Variants in NEDD4L observed in about 807,000 individuals in gnomAD.
The protein encoded by NEDD4L is NEDD4 like E3 ubiquitin protein ligase.
In NEDD4L, 54 loss-of-function variants were observed where a neutral mutation model predicts 148.9. The observed-to-expected ratio is 0.36, with a 90% CI of 0.29 to 0.45. NEDD4L has a LOEUF of 0.45. NEDD4L is among the 20% of genes least tolerant of loss of function. NEDD4L has a pLI of 1.00. For missense variants in NEDD4L, 856 were observed against 1,233.8 expected (o/e 0.69, Z 4.59); for synonymous variants, 433 against 440.7 (o/e 0.98, Z 0.22).
intron 1 of NEDD4L, among the ~76,000 whole-genome samples, chr18:58,109,757 A>G (rs1319391852): frequency 6.6e-6 from 1 of 151,692 alleles, no homozygotes; most frequent in African/African-American, 2.4e-5. Context: ...TTTAGTAGAG[A>G]CGGGGTTTCG....
At chr18:58,163,754 G>T (rs920214417) in intron 1 of NEDD4L, among the ~76,000 whole-genome samples, 1 of 152,156 alleles carries the variant, frequency 6.6e-6, no homozygotes, top group Non-Finnish European at 1.5e-5. Flanking sequence ...TTGGATGGAC[G>T]GTTGGGTGGA....
chr18:58,127,009 C>T (rs910659146), intron 1 of NEDD4L, among the ~76,000 whole-genome samples: 3 of 152,204 alleles, frequency 2.0e-5, no homozygotes, highest in South Asian at 2.1e-4. Context: ...GCATTCCTGT[C>T]GGGATAGGTG....
intron 1 of NEDD4L, among the ~76,000 whole-genome samples, chr18:58,049,112 C>T (rs1029385255): frequency 6.6e-6 from 1 of 152,208 alleles, no homozygotes; most frequent in African/African-American, 2.4e-5. Flanking sequence ...TGATGAATTA[C>T]AGTGACTAGA....
chr18:58,401,459 G>A lies in NEDD4L; in HGVS notation c.*5190G>A, dbSNP rs192375101. Reference sequence around the variant, plus strand: ...TTTCCTGACAGCAAAAGACTAATGTGACAAAATGAAGTCATTGTAAAGAAG... The same window carrying A: ...TTTCCTGACAGCAAAAGACTAATGTAACAAAATGAAGTCATTGTAAAGAAG... On this transcript the variant is annotated 3_prime_UTR_variant, in exon 31 of 31. Coordinates refer to ENST00000400345, the MANE Select transcript of NEDD4L (RefSeq NM_001144967.3). 11 of 152,242 alleles carry A rather than the reference G, an allele frequency of 7.2e-5. No homozygotes were observed. In the East Asian group the frequency reaches 1.7e-3, roughly 24 times the overall value. 9.4% of individuals were successfully genotyped at this position (152,242 alleles called of 1,614,324 possible). A position where few individuals can be genotyped will look rare whatever the true frequency, so the allele number is the denominator to read the frequency against.
intron 1 of NEDD4L, among the ~76,000 whole-genome samples, chr18:58,076,961 C>G (rs1377412061): frequency 6.7e-6 from 1 of 148,750 alleles, no homozygotes; most frequent in African/African-American, 2.5e-5. Context: ...AGCAATTCTT[C>G]TGCCTCAGCC....
chr18:58,158,761 A>C (rs1331526903), intron 1 of NEDD4L, among the ~76,000 whole-genome samples: 6 of 152,130 alleles, frequency 3.9e-5, no homozygotes, highest in Non-Finnish European at 2.9e-5. Context: ...TGTCGGTGTC[A>C]TCTGGGTTTG....
intron 2 of NEDD4L, chr18:58,193,805 TAA>T (rs1387216942): frequency 1.3e-5 from 2 of 152,276 alleles, no homozygotes; most frequent in Non-Finnish European, 2.9e-5. Flanking sequence ...CCTGAACAGC[TAA>T]GTCTTGCTCA....
At chr18:58,160,644 C>T (rs1046186757) in intron 1 of NEDD4L, among the ~76,000 whole-genome samples, 11 of 152,148 alleles carry the variant, frequency 7.2e-5, no homozygotes, top group Non-Finnish European at 8.8e-5. Context: ...TAATAAAATG[C>T]TTCAGAAAGT....
intron 2 of NEDD4L, among the ~76,000 whole-genome samples, chr18:58,178,758 G>A (rs991331130): frequency 3.9e-5 from 6 of 152,208 alleles, no homozygotes; most frequent in African/African-American, 1.4e-4. Context: ...TACACTTCAA[G>A]GGTTGTTCGC....
In NEDD4L at chr18:58,324,984, T is replaced by A; in HGVS notation, c.514-12T>A. The A allele has an allele frequency of 1.9e-6, 3 of 1,610,656 alleles. No homozygotes were observed. The highest frequency in any genetic ancestry group is 2.5e-6 in the Non-Finnish European group (3 of 1,177,890). On this transcript the variant is annotated splice_polypyrimidine_tract_variant and intron_variant, in intron 8 of 30. Coordinates refer to ENST00000400345, the MANE Select transcript of NEDD4L (RefSeq NM_001144967.3). ...CCAACCTCATAATCGTCCCTTTAAC[T>A]TTATTCCGCAGCATGGATGGGAAGT...
intron 1 of NEDD4L, among the ~76,000 whole-genome samples, chr18:58,066,410 T>TTTTTTA (rs2082599368): frequency 7.1e-6 from 1 of 140,072 alleles, no homozygotes; most frequent in Non-Finnish European, 1.5e-5. Context: ...TTTTTTTTTT[T>TTTTTTA]AACGGAGTCT....
At chr18:58,044,836 A>C (rs2081499652) in intron 1 of NEDD4L, 128 bp downstream of exon 1, 1 of 1,150,106 alleles carries the variant, frequency 8.7e-7, no homozygotes, top group African/African-American at 1.6e-5. Context: ...CCAAAGCGGG[A>C]GCGCCCCGGA....
intron 5 of NEDD4L, among the ~76,000 whole-genome samples, chr18:58,254,755 G>A (rs760374147): frequency 4.6e-5 from 7 of 152,128 alleles, no homozygotes; most frequent in Non-Finnish European, 1.0e-4. Flanking sequence ...CTACACACAC[G>A]TATACACCTT....
Position 58,387,526 on chromosome 18 carries a change from A to G in NEDD4L, c.2547+28A>G, listed in dbSNP as rs888252518. The G allele has an allele frequency of 3.3e-6, 5 of 1,504,028 alleles. No individual in the cohort carries two copies. The East Asian group carries it at 9.5e-5, about 29-fold the overall frequency. 93.2% of individuals were successfully genotyped at this position (1,504,028 alleles called of 1,614,324 possible). A position where few individuals can be genotyped will look rare whatever the true frequency, so the allele number is the denominator to read the frequency against. ...TTGTATTATAAACATTATTTTATGT[A>G]AAGTGGATTTTTTAAAGTATCTCTC... On this transcript the variant is annotated intron_variant, in intron 27 of 30. Transcript: ENST00000400345.
chr18:58,117,730 G>A (rs749053022), intron 1 of NEDD4L, among the ~76,000 whole-genome samples: 2 of 152,154 alleles, frequency 1.3e-5, no homozygotes, highest in African/African-American at 4.8e-5. Flanking sequence ...GGCCTCTCTG[G>A]AGTCTCTCTT....
rs74400809 is a variant in NEDD4L, at chr18:58,060,401, G to A, written c.48+15693G>A. Among the ~76,000 whole-genome samples the A allele has an allele frequency of 4.6e-3, 700 of 152,188 alleles. 8 individuals carry two copies. The highest frequency in any genetic ancestry group is 0.016 in the African/African-American group (673 of 41,534). ...GTCGCTGGGATTACAGGTGCAAGTC[G>A]TTGGGCCCGGCAATCTGGGCTTTTC... On this transcript the variant is annotated intron_variant, in intron 1 of 30. Coordinates refer to ENST00000400345, the MANE Select transcript of NEDD4L (RefSeq NM_001144967.3).
In NEDD4L at chr18:58,047,281, A is replaced by G. The variant is rs899538475; in HGVS notation, c.48+2573A>G. On this transcript the variant is annotated intron_variant, in intron 1 of 30. Transcript: ENST00000400345. The stretch of plus-strand genomic sequence containing the variant: ...ATAAATCTTTTAGCAAAGTAGACAC[A>G]CATACCTACCACATTTCTTAAAAGT... The G allele has an allele frequency of 7.1e-6, 7 of 984,282 alleles. No homozygotes were observed. The African/African-American group carries it at 1.2e-4, about 17-fold the overall frequency. The allele number at this position is 984,282 out of a possible 1,614,324, so 61.0% of individuals were successfully genotyped here. A position where few individuals can be genotyped will look rare whatever the true frequency, so the allele number is the denominator to read the frequency against.
intron 1 of NEDD4L, among the ~76,000 whole-genome samples, chr18:58,151,659 T>TGTGTGTGTGTG (rs1356744085): frequency 2.1e-5 from 1 of 48,188 alleles, no homozygotes; most frequent in African/African-American, 9.2e-5. Flanking sequence ...GTGTGTGTGT[T>TGTGTGTGTGTG]GGCTGGAGAA....
At chr18:58,187,175 G>A (rs900672774) in intron 2 of NEDD4L, among the ~76,000 whole-genome samples, 5 of 152,192 alleles carry the variant, frequency 3.3e-5, no homozygotes, top group Admixed American at 6.5e-5. Flanking sequence ...CTTTGTCTCC[G>A]TGGCTTCCAG....
Sources: allele counts gnomAD v4.1 joint callset (sites outside exome capture counted in the v4.1 genomes callset), GRCh38; gene constraint gnomAD v4.1.1; transcripts MANE v1.5; gene names NCBI Gene and HGNC (gene_info 2026-07-23, HGNC 2026-07-21).